The following FRMD5 variants were observed in gnomAD, a reference collection of about 807,000 sequenced individuals.
FRMD5 encodes the protein FERM domain-containing protein 5.
Under a neutral mutation model 69.0 loss-of-function variants are expected in FRMD5, and 20 were observed. That is an observed-to-expected ratio of 0.29 (90% CI 0.20 to 0.42). The LOEUF (loss-of-function observed/expected upper bound fraction) is 0.42, where lower values mean the gene tolerates loss of function less well. FRMD5 is among the 10% of genes least tolerant of loss of function. The pLI, the probability that FRMD5 is intolerant of heterozygous loss-of-function variation, is 1.00. For missense variants in FRMD5, 595 were observed against 708.6 expected, an observed-to-expected ratio of 0.84 and a Z score of 1.82; for synonymous variants, 271 against 260.1, an observed-to-expected ratio of 1.04 and a Z score of -0.40.
intron 1 of FRMD5, among the ~76,000 whole-genome samples, chr15:43,995,057 A>G (rs1413680270): frequency 6.6e-6 from 1 of 152,190 alleles, no homozygotes; most frequent in Non-Finnish European, 1.5e-5. Flanking sequence ...ATCCCTCAGC[A>G]TCTGTGGGGA....
intron 1 of FRMD5, among the ~76,000 whole-genome samples, chr15:43,966,276 G>T (rs1308316991): frequency 2.0e-5 from 3 of 152,064 alleles, no homozygotes; most frequent in African/African-American, 7.2e-5. Flanking sequence ...GGAGGCTGAG[G>T]TGGGAGAATC....
chr15:44,079,529 A>C (rs998458666), intron 1 of FRMD5, among the ~76,000 whole-genome samples: 1 of 152,068 alleles, frequency 6.6e-6, no homozygotes, highest in East Asian at 1.9e-4. Flanking sequence ...CTTGTCTCTT[A>C]AACAATAAAA....
chr15:44,177,202 C>G (rs1308069218), intron 1 of FRMD5, among the ~76,000 whole-genome samples: 2 of 152,018 alleles, frequency 1.3e-5, no homozygotes, highest in South Asian at 2.1e-4. Flanking sequence ...TACTTCCACA[C>G]AAAAACTTGT....
At chr15:44,137,600 G>A (rs1051834915) in intron 1 of FRMD5, among the ~76,000 whole-genome samples, 4 of 152,122 alleles carry the variant, frequency 2.6e-5, no homozygotes, top group African/African-American at 9.7e-5. Context: ...CATACCAGAA[G>A]GAGGTTAAAA....
At chr15:44,106,034 T>C (rs975396731) in intron 1 of FRMD5, among the ~76,000 whole-genome samples, 1 of 152,216 alleles carries the variant, frequency 6.6e-6, no homozygotes, top group Non-Finnish European at 1.5e-5. Flanking sequence ...TAAATGGTTG[T>C]TTAACTGTAT....
chr15:44,016,473 A>G (rs923218414), intron 1 of FRMD5, among the ~76,000 whole-genome samples: 2 of 152,204 alleles, frequency 1.3e-5, no homozygotes, highest in African/African-American at 4.8e-5. Flanking sequence ...CTGTAATCCC[A>G]GCACTTTGGG....
chr15:44,191,023 A>G (rs979333399), intron 1 of FRMD5, among the ~76,000 whole-genome samples: 1 of 152,204 alleles, frequency 6.6e-6, no homozygotes, highest in African/African-American at 2.4e-5. Flanking sequence ...AATATTGGTT[A>G]TACTATGGAA....
At chr15:44,060,741 C>A (rs1350978021) in intron 1 of FRMD5, among the ~76,000 whole-genome samples, 1 of 151,956 alleles carries the variant, frequency 6.6e-6, no homozygotes, top group African/African-American at 2.4e-5. Context: ...GGTGAGAAGC[C>A]ACTTAATTAC....
At chr15:44,181,923 AT>A in intron 1 of FRMD5, among the ~76,000 whole-genome samples, 1 of 152,014 alleles carries the variant, frequency 6.6e-6, no homozygotes, top group East Asian at 1.9e-4. Flanking sequence ...AAAACAAATA[AT>A]ATCACCATAT....
Position 44,016,309 on chromosome 15 carries a change from T to A in FRMD5, c.103-92000A>T, listed in dbSNP as rs532665869. Among the ~76,000 whole-genome samples, 9 of 152,334 alleles carry A rather than the reference T, an allele frequency of 5.9e-5. No homozygotes were observed. In the East Asian group the frequency reaches 1.7e-3, roughly 29 times the overall value. On this transcript the variant is annotated intron_variant, in intron 1 of 13. Coordinates refer to ENST00000417257, the MANE Select transcript of FRMD5 (RefSeq NM_032892.5). Reference sequence around the variant, plus strand: ...ACTGAAGTGTTTTACTAAGAAACCATCAGAGTCCTTATAAGGTAGTTAATA... The same window carrying A: ...ACTGAAGTGTTTTACTAAGAAACCAACAGAGTCCTTATAAGGTAGTTAATA...
chr15:44,080,811 C>G (rs996208383), intron 1 of FRMD5, among the ~76,000 whole-genome samples: 1 of 152,060 alleles, frequency 6.6e-6, no homozygotes, highest in Admixed American at 6.6e-5. Context: ...ACAGAGAACC[C>G]TCAAGTCTTT....
intron 1 of FRMD5, among the ~76,000 whole-genome samples, chr15:44,151,871 T>C (rs1031147904): frequency 6.6e-6 from 1 of 152,212 alleles, no homozygotes; most frequent in East Asian, 1.9e-4. Context: ...CCGGAATATA[T>C]AGTAAACTCC....
intron 6 of FRMD5, among the ~76,000 whole-genome samples, chr15:43,905,135 CTTTTTTT>C (rs746667752): frequency 7.3e-6 from 1 of 137,270 alleles, no homozygotes; most frequent in African/African-American, 2.8e-5. Context: ...TCAACCTCTC[CTTTTTTT>C]TTTTTTTTTT....
In FRMD5 at chr15:43,945,142, T is replaced by C. The variant is rs546522556; in HGVS notation, c.103-20833A>G. Among the ~76,000 whole-genome samples, 3 of 152,190 alleles carry C rather than the reference T, an allele frequency of 2.0e-5. No homozygotes were observed. The East Asian group carries it at 5.8e-4, about 29-fold the overall frequency. On this transcript the variant is annotated intron_variant, in intron 1 of 13. Transcript: ENST00000417257. ...GGACATCTCCTTAATCTAAAAGCCATTAAAAAATGGGAAACTTACCCACTG... is the reference window on the plus strand; with the variant it reads ...GGACATCTCCTTAATCTAAAAGCCACTAAAAAATGGGAAACTTACCCACTG...
intron 1 of FRMD5, among the ~76,000 whole-genome samples, chr15:44,162,882 A>G (rs1423950563): frequency 6.7e-6 from 1 of 149,738 alleles, no homozygotes; most frequent in South Asian, 2.1e-4. Flanking sequence ...AAAAAAAAAA[A>G]AAAAAAACAA....
intron 1 of FRMD5, among the ~76,000 whole-genome samples, chr15:43,948,287 C>CT (rs1264853872): frequency 6.6e-6 from 1 of 152,120 alleles, no homozygotes; most frequent in African/African-American, 2.4e-5. Context: ...GTATTGTACT[C>CT]TAATATATGG....
In FRMD5 at chr15:44,194,864, C is replaced by T. The variant is rs550262461; in HGVS notation, c.102+89G>A. On this transcript the variant is annotated intron_variant, in intron 1 of 13. Transcript: ENST00000417257. The stretch of plus-strand genomic sequence containing the variant: ...AAGCACGGCGCTGGGGCTGGGGCGA[C>T]CCCTGGGCGGCGGCCGCCGCCGGCC... The T allele has an allele frequency of 5.3e-4, 586 of 1,111,432 alleles. 6 individuals carry two copies. In the African/African-American group the frequency reaches 7.7e-3, roughly 15 times the overall value. 68.8% of individuals were successfully genotyped at this position (1,111,432 alleles called of 1,614,324 possible). A position where few individuals can be genotyped will look rare whatever the true frequency, so the allele number is the denominator to read the frequency against.
intron 1 of FRMD5, among the ~76,000 whole-genome samples, chr15:44,017,351 C>A (rs1428666039): frequency 3.3e-5 from 5 of 150,698 alleles, no homozygotes; most frequent in South Asian, 4.2e-4. Flanking sequence ...AAAAAAAAAA[C>A]AAAAACCATG....
chr15:44,097,020 T>G (rs778570766), intron 1 of FRMD5, among the ~76,000 whole-genome samples: 1 of 152,200 alleles, frequency 6.6e-6, no homozygotes, highest in Admixed American at 6.5e-5. Context: ...CAAACACAAG[T>G]AGAGAATGGA....
Sources: allele counts gnomAD v4.1 joint callset (sites outside exome capture counted in the v4.1 genomes callset), GRCh38; gene constraint gnomAD v4.1.1; transcripts MANE v1.5; gene names NCBI Gene and HGNC (gene_info 2026-07-23, HGNC 2026-07-21).